The following PDGFRB variants were observed in gnomAD, a reference collection of about 807,000 sequenced individuals.
The protein encoded by PDGFRB is platelet derived growth factor receptor beta, also known as platelet-derived growth factor receptor beta.
In PDGFRB, 42 loss-of-function variants were observed where a neutral mutation model predicts 120.2. The observed-to-expected ratio is 0.35, with a 90% CI of 0.27 to 0.45. The LOEUF is 0.45. Among genes scored for constraint, PDGFRB ranks in the 20% least tolerant of loss-of-function variants. The probability of loss-of-function intolerance (pLI) is 1.00; values close to 1 mark genes in which losing one functional copy is unlikely to be tolerated. For synonymous variants in PDGFRB, 586 were observed against 606.8 expected (o/e 0.97, Z 0.50); for missense variants, 1,149 against 1,476.3 (o/e 0.78, Z 3.63).
At position 150,121,886 on chromosome 5, in the gene PDGFRB, G is replaced by T. The variant is rs750066915; in HGVS notation, c.2338C>A (p.Pro780Thr). Residue 780 changes from proline (P) to threonine (T), a missense_variant, in exon 16 of 23, where the codon CCC (proline) becomes ACC (threonine). By Grantham distance (38) the Pro-to-Thr change is conservative (BLOSUM62 -1). This residue lies in a region of PDGFRB where 879 missense variants were observed against 1,108.6 expected (regional missense o/e 0.79). Coordinates refer to ENST00000261799, the MANE Select transcript of PDGFRB (RefSeq NM_002609.4). The surrounding 1 kb of genome is among the most constrained non-coding windows in gnomAD (Gnocchi z 4.1). ...TGTCACTATGTCCACCCACCAGAGG[G>T]AACGTAGTTATCGTAAGGGGCCATG... Reference protein sequence around the residue: ...NYMAPYDNYVPSAPERTCRAT... With the variant: ...NYMAPYDNYVTSAPERTCRAT... 2 of 1,611,610 alleles carry T rather than the reference G, an allele frequency of 1.2e-6. No individual in the cohort carries two copies. The highest frequency in any genetic ancestry group is 4.5e-5 in the East Asian group (2 of 44,872).
rs147776972 is a variant in PDGFRB at position 150,127,678 on chromosome 5, A to G, written c.1580-1064T>C. Among the ~76,000 whole-genome samples the G allele has an allele frequency of 8.6e-3, 1,307 of 151,984 alleles. 43 individuals carry two copies. The highest frequency in any genetic ancestry group is 0.059 in the South Asian group (280 of 4,784). On this transcript the variant is annotated intron_variant, in intron 10 of 22. Transcript: ENST00000261799. ...GTGAAATCCCATTTCTACTAAAAAT[A>G]CAAAAAATAGCTGGGCGTGGTGGTG...
At chr5:150,128,046 C>T (rs1760349055) in intron 10 of PDGFRB, among the ~76,000 whole-genome samples, 1 of 152,132 alleles carries the variant, frequency 6.6e-6, no homozygotes, top group Non-Finnish European at 1.5e-5. Flanking sequence ...AGACCAACAT[C>T]CCTCTTCTCC....
chr5:150,117,524 G>A, intron 22 of PDGFRB, 94 bp downstream of exon 22: 1 of 695,788 alleles, frequency 1.4e-6, no homozygotes, highest in Non-Finnish European at 2.5e-6. Flanking sequence ...AGGCAAACCT[G>A]GCAGCGCGCG....
chr5:150,124,293 G>A lies in PDGFRB; in HGVS notation c.1980C>T (p.Pro660=), dbSNP rs774310300. ...SELKIMSHLG[P]HLNVVNLLGA... ...CCAACAGGTTGACCACGTTCAGGTGGGGCCCAAGGTGACTCATGATCTTCA... is the reference window on the plus strand; with the variant it reads ...CCAACAGGTTGACCACGTTCAGGTGAGGCCCAAGGTGACTCATGATCTTCA... Residue 660 remains proline (P), a synonymous_variant, in exon 14 of 23, where the codon CCC becomes CCT. Transcript: ENST00000261799. 6.2e-7 allele frequency: 1 copy of A among 1,614,056 alleles called. No individual in the cohort carries two copies. The highest frequency in any genetic ancestry group is 8.5e-7 in the Non-Finnish European group (1 of 1,179,914).
intron 4 of PDGFRB, 31 bp from the exon 5 acceptor site, chr5:150,134,039 GA>G (rs1263942466): frequency 6.2e-7 from 1 of 1,611,778 alleles, no homozygotes; most frequent in Non-Finnish European, 8.5e-7. Flanking sequence ...TAGGTCTGGG[GA>G]AGTCACCACC....
At chr5:150,131,854 C>T in intron 8 of PDGFRB, 125 bp downstream of exon 8, 1 of 565,386 alleles carries the variant, frequency 1.8e-6, no homozygotes, top group Non-Finnish European at 3.2e-6. Flanking sequence ...GCCTAGAATC[C>T]ATCTCCTGAG....
Position 150,121,983 on chromosome 5 carries a change from C to G in PDGFRB, c.2241G>C (p.Glu747Asp). 1 of 1,613,782 alleles carries G rather than the reference C, an allele frequency of 6.2e-7. No individual in the cohort carries two copies. The highest frequency in any genetic ancestry group is 8.5e-7 in the Non-Finnish European group (1 of 1,179,694). The change falls in exon 16 of 23, where the codon GAG becomes GAC. Residue 747 changes from glutamate to aspartate, a missense_variant. Coordinates refer to ENST00000261799, the MANE Select transcript of PDGFRB (RefSeq NM_002609.4). The surrounding 1 kb of genome is among the most constrained non-coding windows in gnomAD (Gnocchi z 4.1). ...DGGYMDMSKD[E>D]SVDYVPMLDM... ...CCAGCATGGGCACATAGTCCACCGA[C>G]TCGTCCTTGCTCATGTCCATGTAGC...
intron 1 of PDGFRB, chr5:150,153,542 C>T (rs1243755547): frequency 6.6e-6 from 1 of 152,240 alleles, no homozygotes; most frequent in African/African-American, 2.4e-5. Context: ...GCTTCCTCAT[C>T]TACAAAAAGT....
intron 1 of PDGFRB, among the ~76,000 whole-genome samples, chr5:150,145,666 C>T (rs1211375672): frequency 1.3e-5 from 2 of 152,190 alleles, no homozygotes; most frequent in African/African-American, 2.4e-5. Flanking sequence ...CCCTCTGTGG[C>T]AGGAGGCAAA....
Position 150,125,327 on chromosome 5 carries a change from G to A in PDGFRB, c.1807+118C>T, listed in dbSNP as rs1466678742. The A allele has an allele frequency of 1.4e-5, 11 of 808,232 alleles. 1 individual carries two copies. The Middle Eastern group carries it at 1.1e-3, about 81-fold the overall frequency. The allele number at this position is 808,232 out of a possible 1,614,324, so 50.1% of individuals were successfully genotyped here. A position where few individuals can be genotyped will look rare whatever the true frequency, so the allele number is the denominator to read the frequency against. The stretch of plus-strand genomic sequence containing the variant: ...AGTAGGAGATGGAGGGCCAGAGAAG[G>A]CAAGACACCAGCCCTAGGTCTCATA... On this transcript the variant is annotated intron_variant, in intron 12 of 22. Coordinates refer to ENST00000261799, the MANE Select transcript of PDGFRB (RefSeq NM_002609.4).
chr5:150,115,983 G>T (rs1389236709), intron 22 of PDGFRB, 37 bp from the exon 23 acceptor site: 6 of 1,534,296 alleles, frequency 3.9e-6, no homozygotes, highest in African/African-American at 1.4e-5. Flanking sequence ...GGCTAGGAAG[G>T]AGCCCAGGAG....
At chr5:150,130,762 G>T in intron 8 of PDGFRB, 100 bp from the exon 9 acceptor site, 1 of 1,023,798 alleles carries the variant, frequency 9.8e-7, no homozygotes. Flanking sequence ...TCTTGGGGGA[G>T]GAGGGCTGTA....
chr5:150,120,767 C>T lies in PDGFRB; in HGVS notation c.2586+121G>A. 2.1e-6 allele frequency: 2 copies of T among 932,820 alleles called. No homozygotes were observed. The highest frequency in any genetic ancestry group is 1.6e-6 in the Non-Finnish European group (1 of 608,410). 57.8% of individuals were successfully genotyped at this position (932,820 alleles called of 1,614,324 possible). A position where few individuals can be genotyped will look rare whatever the true frequency, so the allele number is the denominator to read the frequency against. ...GCACAGCCCATCACTGCTGTCAGGGCAGGCCACAAGGAGCCCCACACAGAT... is the reference window on the plus strand; with the variant it reads ...GCACAGCCCATCACTGCTGTCAGGGTAGGCCACAAGGAGCCCCACACAGAT... On this transcript the variant is annotated intron_variant, in intron 18 of 22. Transcript: ENST00000261799. The surrounding 1 kb of genome is among the most constrained non-coding windows in gnomAD (Gnocchi z 4.3).
At position 150,119,410 on chromosome 5, in the gene PDGFRB, T is replaced by C. The variant is rs1488093514; in HGVS notation, c.2798+57A>G. On this transcript the variant is annotated intron_variant, in intron 20 of 22. Coordinates refer to ENST00000261799, the MANE Select transcript of PDGFRB (RefSeq NM_002609.4). ...TCATCTTTGGTTTAAGCCAGTAGAG[T>C]TGGATATCTATTGTTTGCAGCACAA... The C allele has an allele frequency of 9.4e-6, 9 of 960,664 alleles. No individual in the cohort carries two copies. In the East Asian group the frequency reaches 1.7e-4, roughly 18 times the overall value. The allele number at this position is 960,664 out of a possible 1,614,324, so 59.5% of individuals were successfully genotyped here.
chr5:150,125,887 A>C (rs1760280182), intron 11 of PDGFRB, among the ~76,000 whole-genome samples: 1 of 152,138 alleles, frequency 6.6e-6, no homozygotes, highest in African/African-American at 2.4e-5. Flanking sequence ...CCTCAGATGG[A>C]AGTAGTAGAG....
chr5:150,135,422 G>A, intron 3 of PDGFRB, 133 bp downstream of exon 3: 1 of 693,502 alleles, frequency 1.4e-6, no homozygotes. Flanking sequence ...ACTGAGCCAG[G>A]CTGGTTCCAT....
At chr5:150,155,294 TCC>T (rs999560693) in intron 1 of PDGFRB, 101 bp downstream of exon 1, 1 of 289,214 alleles carries the variant, frequency 3.5e-6, no homozygotes, top group South Asian at 1.7e-4. Flanking sequence ...AAAAATATCT[TCC>T]CTTTTTTTTT....
At chr5:150,118,927 C>A in intron 20 of PDGFRB, 75 bp from the exon 21 acceptor site, 1 of 849,860 alleles carries the variant, frequency 1.2e-6, no homozygotes, top group South Asian at 1.5e-5. Flanking sequence ...GAGCAGGAGG[C>A]TGCTGCCTCT....
At chr5:150,145,054 C>T (rs894904924) in intron 1 of PDGFRB, among the ~76,000 whole-genome samples, 1 of 152,246 alleles carries the variant, frequency 6.6e-6, no homozygotes, top group Non-Finnish European at 1.5e-5. Flanking sequence ...CTCCTTCCCA[C>T]CCTTCCACTC....
Sources: gnomAD v4.1 joint callset for allele counts (sites outside exome capture counted in the v4.1 genomes callset) on GRCh38, gnomAD v4.1.1 for gene constraint, gnomAD v4.1.1 regional missense constraint, Gnocchi (gnomAD v3.1) non-coding constraint, MANE v1.5 for transcripts, NCBI Gene and HGNC (gene_info 2026-07-23, HGNC 2026-07-21) for gene names.